The following DSCAML1 variants were observed in gnomAD, a reference collection of about 807,000 sequenced individuals.
DSCAML1 encodes the protein DS cell adhesion molecule like 1, also known as cell adhesion molecule DSCAML1.
Under a neutral mutation model 200.5 loss-of-function variants are expected in DSCAML1, and 38 were observed. The ratio of observed to expected loss-of-function variants is 0.19; its 90% CI spans 0.15 to 0.25. The LOEUF (loss-of-function observed/expected upper bound fraction) is 0.25. DSCAML1 is among the 10% of genes least tolerant of loss of function. The pLI is 1.00. For missense variants in DSCAML1, 2,223 were observed against 2,858.8 expected, an observed-to-expected ratio of 0.78 and a Z score of 5.07; for synonymous variants, 1,215 against 1,165.0, an observed-to-expected ratio of 1.04 and a Z score of -0.87.
chr11:117,564,271 T>G (rs962654997), intron 3 of DSCAML1, among the ~76,000 whole-genome samples: 4 of 152,204 alleles, frequency 2.6e-5, no homozygotes, highest in African/African-American at 9.7e-5. Context: ...GAGTAGTATC[T>G]GGGCCAACTC....
Position 117,428,727 on chromosome 11 carries a change from G to T in DSCAML1, c.5763C>A (p.Pro1921=), listed in dbSNP as rs568174442. Reference sequence around the variant, plus strand: ...TGGAGGCCTCACGGGGTGGGACCACGGGGCAGGGCTCACGTCCATCTGCCT... The same window carrying T: ...TGGAGGCCTCACGGGGTGGGACCACTGGGCAGGGCTCACGTCCATCTGCCT... The part of the protein sequence containing the change: ...FRKADGREPC[P]VVPPREASIR... The change falls in exon 33 of 33, where the codon CCC becomes CCA. Residue 1921 remains proline, a synonymous_variant. Transcript: ENST00000651296. The T allele has an allele frequency of 6.2e-7, 1 of 1,613,120 alleles. No homozygotes were observed. The highest frequency in any genetic ancestry group is 1.1e-5 in the South Asian group (1 of 90,740).
At chr11:117,442,191 G>GTGTGTGCA (rs1165737789) in intron 21 of DSCAML1, among the ~76,000 whole-genome samples, 10 of 144,046 alleles carry the variant, frequency 6.9e-5, no homozygotes, top group African/African-American at 2.7e-4. Context: ...TAGTGTGTAT[G>GTGTGTGCA]TGTGTGCATG....
At chr11:117,790,160 A>G (rs947002863) in intron 1 of DSCAML1, among the ~76,000 whole-genome samples, 12 of 152,360 alleles carry the variant, frequency 7.9e-5, no homozygotes, top group African/African-American at 2.9e-4. Context: ...TCCAGTGAAT[A>G]CTGTGACCTT....
intron 3 of DSCAML1, among the ~76,000 whole-genome samples, chr11:117,571,558 G>T (rs1413917387): frequency 1.3e-5 from 2 of 152,150 alleles, no homozygotes; most frequent in East Asian, 1.9e-4. Context: ...CTGCCCTGGA[G>T]CCCAGGTGAG....
In DSCAML1 at chr11:117,518,707, C is replaced by T. The variant is rs1469753990; in HGVS notation, c.1269G>A (p.Glu423=). 1.2e-6 allele frequency: 2 copies of T among 1,613,176 alleles called. No individual in the cohort carries two copies. ...SFSEKVVNPG[E]QFSLMCAAKG... Reference sequence around the variant, plus strand: ...TGGCCGCACACATCAGTGAGAACTGCTCCCCGGGGTTGACCACCTTCTCGC... The same window carrying T: ...TGGCCGCACACATCAGTGAGAACTGTTCCCCGGGGTTGACCACCTTCTCGC... Residue 423 remains glutamate, a synonymous_variant, in exon 7 of 33, where the codon GAG becomes GAA. Transcript: ENST00000651296. The surrounding 1 kb of genome is among the most constrained non-coding windows in gnomAD (Gnocchi z 6.3).
Position 117,517,657 on chromosome 11 carries a change from C to T in DSCAML1, c.1510+809G>A, listed in dbSNP as rs73587112. Among the ~76,000 whole-genome samples the T allele has an allele frequency of 5.6e-3, 852 of 152,354 alleles. 8 individuals are homozygous for T. Among genetic ancestry groups the T allele is most frequent in the African/African-American group, 0.019 (793 of 41,572 alleles). The stretch of plus-strand genomic sequence containing the variant: ...ACCTTTGCTCCTTTTCCTACCCCCA[C>T]GGCAACCAGGGGTGCCCCTGGATCA... On this transcript the variant is annotated intron_variant, in intron 7 of 32. Transcript: ENST00000651296.
rs2048644878 is a variant in DSCAML1, at chr11:117,469,568, A to G, written c.3024+342T>C. On this transcript the variant is annotated intron_variant, in intron 16 of 32. Transcript: ENST00000651296. The surrounding 1 kb of genome is among the most constrained non-coding windows in gnomAD (Gnocchi z 4.1). ...AAGGAGGAACTTGGCACAAAATCAA[A>G]CCTACTTCCAACCTTATTACAACAT... 1.3e-5 allele frequency among the ~76,000 whole-genome samples: 2 copies of G among 152,062 alleles called. No individual in the cohort carries two copies. The highest frequency in any genetic ancestry group is 4.8e-5 in the African/African-American group (2 of 41,380).
At chr11:117,626,212 C>G (rs979444983) in intron 3 of DSCAML1, among the ~76,000 whole-genome samples, 1 of 86,192 alleles carries the variant, frequency 1.2e-5, no homozygotes, top group Non-Finnish European at 2.5e-5. Context: ...CCCCCCCCTC[C>G]TTCTTCTGGC....
chr11:117,795,335 A>G (rs2055550906), intron 1 of DSCAML1, among the ~76,000 whole-genome samples: 1 of 152,044 alleles, frequency 6.6e-6, no homozygotes, highest in Non-Finnish European at 1.5e-5. Context: ...AACTATCGAG[A>G]GAGAAAGCCG....
chr11:117,759,515 T>C (rs1432677483), intron 3 of DSCAML1, among the ~76,000 whole-genome samples: 3 of 152,174 alleles, frequency 2.0e-5, no homozygotes, highest in African/African-American at 7.2e-5. Flanking sequence ...AGTTTCCCTA[T>C]TGGCTATGAC....
intron 3 of DSCAML1, among the ~76,000 whole-genome samples, chr11:117,722,361 T>C (rs1344930570): frequency 1.3e-5 from 2 of 150,704 alleles, no homozygotes; most frequent in African/African-American, 4.9e-5. Flanking sequence ...ACTGTGGTTA[T>C]TAGAGGCTGG....
intron 3 of DSCAML1, among the ~76,000 whole-genome samples, chr11:117,624,298 G>C (rs889430362): frequency 3.3e-5 from 5 of 152,112 alleles, no homozygotes; most frequent in Admixed American, 2.6e-4. Flanking sequence ...TGCAACAGGA[G>C]GTGTTTATTC....
chr11:117,497,926 C>T (rs759180941), intron 11 of DSCAML1, among the ~76,000 whole-genome samples: 5 of 152,238 alleles, frequency 3.3e-5, no homozygotes, highest in Non-Finnish European at 5.9e-5. Context: ...GAGAGTCCAT[C>T]CCGTCCCCCA....
In DSCAML1 at chr11:117,558,203, A is replaced by G. The variant is rs141256348; in HGVS notation, c.512-25681T>C. 1.3e-3 allele frequency among the ~76,000 whole-genome samples: 192 copies of G among 152,212 alleles called. 4 individuals carry two copies. In the East Asian group the frequency reaches 0.034, roughly 27 times the overall value. ...GCAGTGGGCATGTAGCTGTGGGCAA[A>G]CTGAGAAGCTGCTGCCAGCACCTAC... On this transcript the variant is annotated intron_variant, in intron 3 of 32. Transcript: ENST00000651296.
intron 3 of DSCAML1, among the ~76,000 whole-genome samples, chr11:117,581,951 T>A (rs2051046842): frequency 6.6e-6 from 1 of 152,106 alleles, no homozygotes; most frequent in Non-Finnish European, 1.5e-5. Context: ...TGCCTATATT[T>A]AAAGACCCAT....
chr11:117,718,681 C>CTCG lies in DSCAML1; in HGVS notation c.511+58109_511+58110insCGA, dbSNP rs1232957029. Among the ~76,000 whole-genome samples the CTCG allele has an allele frequency of 7.5e-5, 8 of 106,056 alleles. 1 individual carries two copies. The South Asian group carries it at 3.1e-3, about 41-fold the overall frequency. The allele number at this position is 106,056 out of a possible 152,430, so 69.6% of individuals were successfully genotyped here. The stretch of plus-strand genomic sequence containing the variant: ...TGAATACTCAAAACCCCCCCCCCCC[C>CTCG]CCATCATATGAGACCTTTAAAAAAT... On this transcript the variant is annotated intron_variant, in intron 3 of 32. Coordinates refer to ENST00000651296, the MANE Select transcript of DSCAML1 (RefSeq NM_020693.4).
chr11:117,795,437 G>A (rs2055552581), intron 1 of DSCAML1, among the ~76,000 whole-genome samples: 2 of 152,152 alleles, frequency 1.3e-5, no homozygotes, highest in South Asian at 4.1e-4. Flanking sequence ...AGAACCTGGG[G>A]AGAGGGAGAC....
intron 30 of DSCAML1, 34 bp downstream of exon 30, chr11:117,432,318 G>C: frequency 6.3e-7 from 1 of 1,590,220 alleles, no homozygotes; most frequent in South Asian, 1.1e-5. Flanking sequence ...ACCCCGGTTG[G>C]GAAAAGGGCT....
At chr11:117,615,872 T>C (rs1565828135) in intron 3 of DSCAML1, among the ~76,000 whole-genome samples, 1 of 152,108 alleles carries the variant, frequency 6.6e-6, no homozygotes, top group Non-Finnish European at 1.5e-5. Flanking sequence ...CTTCTATGAC[T>C]AGGGATGGGA....
Sources: gnomAD v4.1 joint callset for allele counts (sites outside exome capture counted in the v4.1 genomes callset) on GRCh38, gnomAD v4.1.1 for gene constraint, Gnocchi (gnomAD v3.1) non-coding constraint, MANE v1.5 for transcripts, NCBI Gene and HGNC (gene_info 2026-07-23, HGNC 2026-07-21) for gene names.